Variants in GAK observed in about 807,000 individuals in gnomAD.
The protein encoded by GAK is cyclin G associated kinase.
Under a neutral mutation model 143.9 loss-of-function variants are expected in GAK, and 79 were observed. The observed-to-expected ratio is 0.55, with a 90% confidence interval of 0.46 to 0.66. The LOEUF is 0.66. GAK is among the 30% of genes least tolerant of loss of function. GAK has a pLI of 0.00. For synonymous variants in GAK, 881 were observed against 765.5 expected, an observed-to-expected ratio of 1.15 and a Z score of -2.49; for missense variants, 1,693 against 1,779.7, an observed-to-expected ratio of 0.95 and a Z score of 0.88.
At chr4:920,321 C>A (rs1420283567) in intron 1 of GAK, among the ~76,000 whole-genome samples, 19 of 148,484 alleles carry the variant, frequency 1.3e-4, no homozygotes, top group South Asian at 2.1e-4. Flanking sequence ...AAAAAAAAAA[C>A]AAAAAACCAA....
chr4:855,152 C>A (rs1009864876), intron 24 of GAK, among the ~76,000 whole-genome samples: 2 of 152,140 alleles, frequency 1.3e-5, no homozygotes, highest in African/African-American at 4.8e-5. Context: ...GTAGGAACTG[C>A]GTTAGGCTAC....
rs549952777 is a variant in GAK at position 908,919 on chromosome 4, A to AAC, written c.382+2752_382+2753dup. Among the ~76,000 whole-genome samples the AAC allele has an allele frequency of 2.2e-4, 34 of 152,290 alleles. No homozygotes were observed. In the South Asian group the frequency reaches 6.8e-3, roughly 31 times the overall value. ...TGAGACAAGAGTCTCGGCTCACTGCAACCTCCACCTCCCAGGTTCAAGCAA... is the reference window on the plus strand; with the variant it reads ...TGAGACAAGAGTCTCGGCTCACTGCAACACCTCCACCTCCCAGGTTCAAGCAA... On this transcript the variant is annotated intron_variant, in intron 4 of 27. Coordinates refer to ENST00000314167, the MANE Select transcript of GAK (RefSeq NM_005255.4).
intron 11 of GAK, chr4:888,591 G>A (rs1717015966): frequency 4.1e-6 from 2 of 491,242 alleles, no homozygotes. Flanking sequence ...ATTGCAGCAA[G>A]GGAGGGGAGG....
chr4:869,287 G>A (rs1325304782), intron 19 of GAK: 1 of 133,542 alleles, frequency 7.5e-6, no homozygotes, highest in Non-Finnish European at 1.6e-5. Flanking sequence ...CACACACACA[G>A]ATGCACAGTA....
chr4:859,673 G>A lies in GAK; in HGVS notation c.3216C>T (p.Ala1072=). 6.2e-7 allele frequency: 1 copy of A among 1,602,314 alleles called. No homozygotes were observed. Among genetic ancestry groups the A allele is most frequent in the Non-Finnish European group, 8.5e-7 (1 of 1,170,232 alleles). Residue 1072 remains alanine (A), a synonymous_variant, in exon 24 of 28, where the codon GCC becomes GCT. Transcript: ENST00000314167. Reference sequence around the variant, plus strand: ...CCGGGTTCTGAGACTTGGTCCAGCTGGCCTGAGAGCCACAAGGGGCCGGCT... The same window carrying A: ...CCGGGTTCTGAGACTTGGTCCAGCTAGCCTGAGAGCCACAAGGGGCCGGCT... ...GGQPAPCGSQ[A]SWTKSQNPDP... is the part of the protein sequence containing the mutation.
chr4:893,137 CTCTG>C (rs1258371409), intron 9 of GAK, among the ~76,000 whole-genome samples: 1 of 151,370 alleles, frequency 6.6e-6, no homozygotes, highest in Non-Finnish European at 1.5e-5. Flanking sequence ...CCTCCCGCCC[CTCTG>C]TGATAGGAGA....
chr4:859,762 G>T, intron 23 of GAK, 40 bp from the exon 24 acceptor site: 1 of 1,412,908 alleles, frequency 7.1e-7, no homozygotes, highest in Non-Finnish European at 9.8e-7. Flanking sequence ...AGCACCATCT[G>T]AAGCGAAACA....
chr4:893,320 CAT>C, intron 9 of GAK, 55 bp downstream of exon 9: 1 of 1,268,920 alleles, frequency 7.9e-7, no homozygotes, highest in South Asian at 1.5e-5. Flanking sequence ...ATCTGGGGCT[CAT>C]GTGTGCCTCC....
At chr4:929,252 T>C (rs189021111) in intron 1 of GAK, among the ~76,000 whole-genome samples, 240 of 152,308 alleles carry the variant, frequency 1.6e-3, no homozygotes, top group African/African-American at 5.3e-3. Flanking sequence ...ACACTGCGCA[T>C]GGCACACAAG....
intron 11 of GAK, 56 bp from the exon 12 acceptor site, chr4:884,142 C>T (rs1577155273): frequency 6.6e-7 from 1 of 1,514,746 alleles, no homozygotes; most frequent in Non-Finnish European, 9.2e-7. Flanking sequence ...GCAGTTAGGT[C>T]ACAGGGCTTA....
At chr4:856,354 CCTGCTCACCACAGCTGCTCACCACAG>C (rs529175784) in intron 24 of GAK, among the ~76,000 whole-genome samples, 1 of 127,718 alleles carries the variant, frequency 7.8e-6, no homozygotes, top group African/African-American at 3.2e-5. Context: ...CCTGCTCACA[CCTGCTCACCACAGCTGCTCACCACAG>C]CTGCTCACAC....
intron 4 of GAK, among the ~76,000 whole-genome samples, chr4:905,065 CTGGT>C (rs1720817402): frequency 6.6e-6 from 1 of 152,162 alleles, no homozygotes; most frequent in African/African-American, 2.4e-5. Flanking sequence ...GTGTGACCTT[CTGGT>C]TGGCTGCTTT....
chr4:856,241 C>G (rs143724092), intron 24 of GAK, among the ~76,000 whole-genome samples: 5,020 of 145,424 alleles, frequency 0.035, 170 homozygotes, highest in East Asian at 0.19. Flanking sequence ...CACAGCTGCT[C>G]ACACCTGCTC....
In GAK at chr4:865,173, C is replaced by A. The variant is rs766503817; in HGVS notation, c.3115G>T (p.Ala1039Ser). 1 of 1,612,904 alleles carries A rather than the reference C, an allele frequency of 6.2e-7. No individual in the cohort carries two copies. The highest frequency in any genetic ancestry group is 8.5e-7 in the Non-Finnish European group (1 of 1,179,742). Reference protein sequence around the residue: ...SNPDLLGGWAAWTETAASAVA... With the variant: ...SNPDLLGGWASWTETAASAVA... Reference sequence around the variant, plus strand: ...GCCGATGCTGCAGTCTCGGTCCAGGCAGCCCATCCTCCCAGCAGGTCTGGG... The same window carrying A: ...GCCGATGCTGCAGTCTCGGTCCAGGAAGCCCATCCTCCCAGCAGGTCTGGG... The change falls in exon 23 of 28, where the codon GCC (alanine) becomes TCC (serine). Residue 1039 changes from alanine (A) to serine (S), a missense_variant. By Grantham distance (99) the Ala-to-Ser change is moderately conservative. This residue lies in a region of GAK where 822 missense variants were observed against 788.7 expected (regional missense o/e 1.04). Transcript: ENST00000314167.
chr4:895,698 A>G (rs1718635674), intron 7 of GAK, among the ~76,000 whole-genome samples: 2 of 152,244 alleles, frequency 1.3e-5, no homozygotes, highest in African/African-American at 4.8e-5. Context: ...GACACCCTCC[A>G]CGCGTGGTCA....
At chr4:930,947 C>G (rs756298864) in intron 1 of GAK, among the ~76,000 whole-genome samples, 1 of 152,194 alleles carries the variant, frequency 6.6e-6, no homozygotes. Flanking sequence ...CTGAGAGGTA[C>G]CAGGGAGCTG....
rs1749931930 is a variant in GAK, at chr4:859,659, G to C, written c.3230C>G (p.Ser1077Cys). 2 of 1,604,026 alleles carry C rather than the reference G, an allele frequency of 1.2e-6. No individual in the cohort carries two copies. Among genetic ancestry groups the C allele is most frequent in the African/African-American group, 1.3e-5 (1 of 74,894 alleles). Reference protein sequence around the residue: ...PCGSQASWTKSQNPDPFADLG... With the variant: ...PCGSQASWTKCQNPDPFADLG... Reference sequence around the variant, plus strand: ...GTCAGCAAATGGGTCCGGGTTCTGAGACTTGGTCCAGCTGGCCTGAGAGCC... The same window carrying C: ...GTCAGCAAATGGGTCCGGGTTCTGACACTTGGTCCAGCTGGCCTGAGAGCC... Residue 1077 changes from serine to cysteine, a missense_variant, in exon 24 of 28, where the codon TCT becomes TGT. Ser to Cys is a moderately radical substitution (Grantham distance 112). Around this residue, in one of 2 missense-constraint regions of GAK, gnomAD observed 822 missense variants for 788.7 expected, o/e 1.04. Coordinates refer to ENST00000314167, the MANE Select transcript of GAK (RefSeq NM_005255.4).
Position 849,722 on chromosome 4 carries a change from T to C in GAK, c.3887A>G (p.Asn1296Ser). 1.2e-6 allele frequency: 2 copies of C among 1,613,470 alleles called. No individual in the cohort carries two copies. The highest frequency in any genetic ancestry group is 8.5e-7 in the Non-Finnish European group (1 of 1,179,690). Residue 1296 changes from asparagine to serine, a missense_variant, in exon 28 of 28, where the codon AAT becomes AGT. Physicochemically the swap from Asn to Ser is conservative, Grantham distance 46. Transcript: ENST00000314167. ...QHAKMIFMEL[N>S]DAWSEFENQG... Reference sequence around the variant, plus strand: ...GTTCTCAAACTCCGACCAGGCGTCATTCAGCTCCATGAAGATCATCTTGGC... The same window carrying C: ...GTTCTCAAACTCCGACCAGGCGTCACTCAGCTCCATGAAGATCATCTTGGC...
intron 1 of GAK, among the ~76,000 whole-genome samples, chr4:920,538 C>CCTTTTTTTTTTTTT (rs1560440258): frequency 1.4e-5 from 1 of 73,776 alleles, no homozygotes; most frequent in East Asian, 6.1e-4. Flanking sequence ...GGTTTAGAGC[C>CCTTTTTTTTTTTTT]ATTTTTTTTT....
Sources: gnomAD v4.1 joint callset for allele counts (sites outside exome capture counted in the v4.1 genomes callset) on GRCh38, gnomAD v4.1.1 for gene constraint, gnomAD v4.1.1 regional missense constraint, MANE v1.5 for transcripts, NCBI Gene and HGNC (gene_info 2026-07-23, HGNC 2026-07-21) for gene names.